Variants in MACIR observed in about 807,000 individuals in gnomAD.
MACIR encodes the protein UNC119-binding protein C5orf30.
In MACIR, 4 loss-of-function variants were observed where a neutral mutation model predicts 14.3. The ratio of observed to expected loss-of-function variants is 0.28; its 90% CI spans 0.14 to 0.64. The LOEUF (loss-of-function observed/expected upper bound fraction) is 0.64, where lower values mean the gene tolerates loss of function less well. Ranked by LOEUF, MACIR falls within the 30% of genes least tolerant of loss-of-function variation. The pLI, the probability that MACIR is intolerant of heterozygous loss-of-function variation, is 0.83. For missense variants in MACIR, 228 were observed against 257.6 expected (o/e 0.89, Z 0.79); for synonymous variants, 101 against 102.4 (o/e 0.99, Z 0.08).
chr5:103,267,979 A>G (rs2149927217), intron 2 of MACIR, among the ~76,000 whole-genome samples: 1 of 152,294 alleles, frequency 6.6e-6, no homozygotes, highest in Non-Finnish European at 1.5e-5. Flanking sequence ...ATATAGGTGT[A>G]ATGTCTGCTT....
chr5:103,273,387 A>T (rs1301144885), intron 2 of MACIR, among the ~76,000 whole-genome samples: 2 of 152,082 alleles, frequency 1.3e-5, no homozygotes, highest in Non-Finnish European at 2.9e-5. Flanking sequence ...TTGGAAACTT[A>T]ACTGATGAGT....
In MACIR at chr5:103,261,201, T is replaced by C. The variant is rs558293848; in HGVS notation, c.-114+2305T>C. Among the ~76,000 whole-genome samples, 12 of 152,324 alleles carry C rather than the reference T, an allele frequency of 7.9e-5. No homozygotes were observed. In the South Asian group the frequency reaches 2.3e-3, roughly 29 times the overall value. On this transcript the variant is annotated intron_variant, in intron 1 of 2. Transcript: ENST00000319933. The stretch of plus-strand genomic sequence containing the variant: ...CATTTTTGTCTTACTGAACGAATTA[T>C]GGGTTATCTTACAAAGTTGGCAAGG...
At chr5:103,266,702 T>G (rs1804935074) in intron 2 of MACIR, among the ~76,000 whole-genome samples, 1 of 152,140 alleles carries the variant, frequency 6.6e-6, no homozygotes, top group Non-Finnish European at 1.5e-5. Flanking sequence ...GGTGTGTCAT[T>G]CTACTTGGCC....
At chr5:103,266,528 T>C (rs1244215251) in intron 2 of MACIR, among the ~76,000 whole-genome samples, 1 of 152,182 alleles carries the variant, frequency 6.6e-6, no homozygotes, top group Non-Finnish European at 1.5e-5. Context: ...TATGCAATGC[T>C]GTTTTCTTCC....
At chr5:103,274,320 T>G (rs1554237432) in intron 2 of MACIR, among the ~76,000 whole-genome samples, 1 of 151,470 alleles carries the variant, frequency 6.6e-6, no homozygotes, top group Non-Finnish European at 1.5e-5. Flanking sequence ...TCCAGTACTA[T>G]CAACAGAGAA....
intron 1 of MACIR, chr5:103,259,430 G>T (rs1580557945): frequency 6.6e-6 from 1 of 152,088 alleles, no homozygotes; most frequent in Admixed American, 6.5e-5. Context: ...CCCTCCCTTG[G>T]CCGCTGTTCC....
At chr5:103,264,846 T>G (rs569418110) in intron 1 of MACIR, among the ~76,000 whole-genome samples, 1 of 152,208 alleles carries the variant, frequency 6.6e-6, no homozygotes, top group Non-Finnish European at 1.5e-5. Context: ...AGTTACAAAC[T>G]CCTTGCCTTT....
chr5:103,270,930 A>C (rs1458098554), intron 2 of MACIR, among the ~76,000 whole-genome samples: 3 of 152,132 alleles, frequency 2.0e-5, no homozygotes, highest in Admixed American at 2.0e-4. Context: ...CCCTCCTATC[A>C]TGAAAAATAT....
intron 2 of MACIR, among the ~76,000 whole-genome samples, chr5:103,270,004 G>A (rs1554237000): frequency 6.6e-6 from 1 of 152,052 alleles, no homozygotes; most frequent in African/African-American, 2.4e-5. Flanking sequence ...TCAAAGAATG[G>A]CAGTCATGTC....
chr5:103,260,498 G>A (rs1804639871), intron 1 of MACIR, among the ~76,000 whole-genome samples: 1 of 152,114 alleles, frequency 6.6e-6, no homozygotes, highest in African/African-American at 2.4e-5. Flanking sequence ...AAAGTAAAAT[G>A]AACAGGATGG....
intron 1 of MACIR, among the ~76,000 whole-genome samples, chr5:103,264,130 A>ATGATTATTG (rs1313374443): frequency 2.0e-5 from 3 of 152,182 alleles, no homozygotes; most frequent in African/African-American, 7.2e-5. Context: ...TTGCGGGATC[A>ATGATTATTG]TGATTATTGT....
intron 1 of MACIR, among the ~76,000 whole-genome samples, chr5:103,261,115 G>T (rs26233): frequency 0.24 from 36,844 of 152,132 alleles, 5,084 homozygotes; most frequent in Non-Finnish European, 0.32. Context: ...GAAAGATAAT[G>T]AGTGCTGCAC....
chr5:103,273,025 G>A (rs1364664892), intron 2 of MACIR, among the ~76,000 whole-genome samples: 2 of 152,064 alleles, frequency 1.3e-5, no homozygotes, highest in Non-Finnish European at 2.9e-5. Context: ...ATGTTCCTGC[G>A]CCTTGAGACT....
intron 2 of MACIR, 94 bp from the exon 3 acceptor site, chr5:103,275,803 G>A (rs1805300325): frequency 5.9e-6 from 6 of 1,021,740 alleles, no homozygotes; most frequent in Non-Finnish European, 8.6e-6. Flanking sequence ...TCAGGCAAGT[G>A]TTACTTCATG....
intron 1 of MACIR, among the ~76,000 whole-genome samples, chr5:103,261,038 T>C (rs1804663796): frequency 6.6e-6 from 1 of 152,248 alleles, no homozygotes; most frequent in Admixed American, 6.5e-5. Flanking sequence ...TTTCTAAAAG[T>C]AGAAGGATGA....
intron 2 of MACIR, among the ~76,000 whole-genome samples, chr5:103,268,920 T>C (rs553742744): frequency 6.6e-6 from 1 of 152,212 alleles, no homozygotes; most frequent in Admixed American, 6.5e-5. Flanking sequence ...GATTCTGGCA[T>C]TAAAACTATA....
In MACIR at chr5:103,275,910, G is replaced by C; in HGVS notation, c.-10G>C. 6.2e-7 allele frequency: 1 copy of C among 1,607,050 alleles called. No individual in the cohort carries two copies. The highest frequency in any genetic ancestry group is 2.2e-5 in the East Asian group (1 of 44,752). ...GTTTACTTTTAGGATTGTGCAGACT[G>C]GTGCTTAAAATGGAAGTCGATATTA... On this transcript the variant is annotated 5_prime_UTR_variant, in exon 3 of 3. Transcript: ENST00000319933.
chr5:103,261,640 TTCTTTCTTTCTTTC>T (rs1297237737), intron 1 of MACIR, among the ~76,000 whole-genome samples: 2 of 29,106 alleles, frequency 6.9e-5, no homozygotes, highest in Non-Finnish European at 1.3e-4. Context: ...GTTTTTCTTT[TTCTTTCTTTCTTTC>T]TTTCTTTCTT....
At position 103,265,914 on chromosome 5, in the gene MACIR, G is replaced by T. The variant is rs1016405816; in HGVS notation, c.-107G>T. 5.3e-5 allele frequency: 8 copies of T among 152,054 alleles called. No individual in the cohort carries two copies. The highest frequency in any genetic ancestry group is 1.0e-4 in the Non-Finnish European group (7 of 67,958). 9.4% of individuals were successfully genotyped at this position (152,054 alleles called of 1,614,324 possible). A position where few individuals can be genotyped will look rare whatever the true frequency, so the allele number is the denominator to read the frequency against. ...TTTTGTATTTCATGTTTAGTACCTGGAGTAGAACAGAAAAATTATTATGTC... is the reference window on the plus strand; with the variant it reads ...TTTTGTATTTCATGTTTAGTACCTGTAGTAGAACAGAAAAATTATTATGTC... On this transcript the variant is annotated 5_prime_UTR_variant, in exon 2 of 3. Transcript: ENST00000319933.
Sources: allele counts gnomAD v4.1 joint callset (sites outside exome capture counted in the v4.1 genomes callset), GRCh38; gene constraint gnomAD v4.1.1; transcripts MANE v1.5; gene names NCBI Gene and HGNC (gene_info 2026-07-23, HGNC 2026-07-21).